The following AFDN variants were observed in gnomAD, a reference collection of about 807,000 sequenced individuals.
AFDN encodes afadin.
In AFDN, 68 loss-of-function variants were observed where a neutral mutation model predicts 216.6. That is an observed-to-expected ratio of 0.31 (90% CI 0.26 to 0.38). The LOEUF (loss-of-function observed/expected upper bound fraction) is 0.38. Ranked by LOEUF, AFDN falls within the 10% of genes least tolerant of loss-of-function variation. The pLI is 1.00. For missense variants in AFDN, 2,136 were observed against 2,342.0 expected (o/e 0.91, Z 1.82); for synonymous variants, 868 against 853.7 (o/e 1.02, Z -0.29).
At chr6:167,893,774 T>C in intron 8 of AFDN, 88 bp from the exon 9 acceptor site, 4 of 1,000,772 alleles carry the variant, frequency 4.0e-6, no homozygotes, top group South Asian at 1.4e-5. Flanking sequence ...GCGTCTCTTC[T>C]CCTCCTTCCC....
chr6:167,935,789 TC>T (rs1233889952), intron 23 of AFDN, among the ~76,000 whole-genome samples: 1 of 152,170 alleles, frequency 6.6e-6, no homozygotes, highest in Non-Finnish European at 1.5e-5. Flanking sequence ...CTTTTTTTTT[TC>T]TTTTGGTTGG....
At chr6:167,835,428 C>G (rs1273124279) in intron 1 of AFDN, among the ~76,000 whole-genome samples, 2 of 152,162 alleles carry the variant, frequency 1.3e-5, no homozygotes, top group African/African-American at 2.4e-5. Context: ...ACAACTTAAA[C>G]AATTGCTCAT....
In AFDN at chr6:167,948,343, G is replaced by T. The variant is rs375402962; in HGVS notation, c.3696G>T (p.Thr1232=). 6 of 1,613,932 alleles carry T rather than the reference G, an allele frequency of 3.7e-6. No homozygotes were observed. Among genetic ancestry groups the T allele is most frequent in the South Asian group, 1.1e-5 (1 of 91,062 alleles). Reference sequence around the variant, plus strand: ...AAGCCTACCCCATCCCCACTCAGACGTACACCAGAGAGTATTTTACCTTCC... The same window carrying T: ...AAGCCTACCCCATCCCCACTCAGACTTACACCAGAGAGTATTTTACCTTCC... ...RPEAYPIPTQ[T]YTREYFTFPA... is the part of the protein sequence containing the mutation. The change falls in exon 29 of 34, where the codon ACG becomes ACT. Residue 1232 remains threonine (T), a synonymous_variant. Coordinates refer to ENST00000683244, the MANE Select transcript of AFDN (RefSeq NM_001386888.1).
chr6:167,901,210 G>A (rs1033929323), intron 11 of AFDN, among the ~76,000 whole-genome samples: 1 of 152,036 alleles, frequency 6.6e-6, no homozygotes, highest in Admixed American at 6.5e-5. Flanking sequence ...GTATTATAAC[G>A]GGACATTTCA....
intron 23 of AFDN, among the ~76,000 whole-genome samples, chr6:167,935,905 C>G (rs1793938204): frequency 6.6e-6 from 1 of 151,946 alleles, no homozygotes; most frequent in Non-Finnish European, 1.5e-5. Flanking sequence ...CCTATCATTA[C>G]TCATAACAAA....
At chr6:167,960,367 T>C (rs1369427772) in intron 30 of AFDN, among the ~76,000 whole-genome samples, 1 of 150,042 alleles carries the variant, frequency 6.7e-6, no homozygotes, top group African/African-American at 2.5e-5. Context: ...AAGAAGAAAA[T>C]GCCTGTTTTT....
chr6:167,929,856 T>C (rs191826273), intron 23 of AFDN, among the ~76,000 whole-genome samples: 22 of 152,306 alleles, frequency 1.4e-4, no homozygotes, highest in Admixed American at 1.2e-3. Context: ...GTGAATAATG[T>C]GTATAAATTG....
rs1237092335 is a variant in AFDN, at chr6:167,962,572, T to C, written c.4968+5T>C. ...AAACGAGACGCTGAAGAAAAGGTTATGGTCCTTTAAGGGCAGCTAGAATTT... is the reference window on the plus strand; with the variant it reads ...AAACGAGACGCTGAAGAAAAGGTTACGGTCCTTTAAGGGCAGCTAGAATTT... On this transcript the variant is annotated splice_donor_5th_base_variant and intron_variant, in intron 31 of 33. Transcript: ENST00000683244. The surrounding 1 kb of genome is among the most constrained non-coding windows in gnomAD (Gnocchi z 5.2). 1.9e-6 allele frequency: 3 copies of C among 1,613,890 alleles called. No individual in the cohort carries two copies. The highest frequency in any genetic ancestry group is 2.5e-6 in the Non-Finnish European group (3 of 1,179,856).
chr6:167,911,717 TGTA>T (rs763630833), intron 15 of AFDN: 3 of 527,766 alleles, frequency 5.7e-6, no homozygotes, highest in Admixed American at 6.3e-5. Flanking sequence ...GAAGTTAACT[TGTA>T]GTAATAGTTG....
At chr6:167,930,287 G>GT (rs1247704756) in intron 23 of AFDN, among the ~76,000 whole-genome samples, 2 of 152,076 alleles carry the variant, frequency 1.3e-5, no homozygotes, top group Admixed American at 6.6e-5. Context: ...GCTCATGAAA[G>GT]TTTTTTTTAC....
Position 167,893,876 on chromosome 6 carries a change from T to A in AFDN, c.1192T>A (p.Phe398Ile), listed in dbSNP as rs1455069942. The change falls in exon 9 of 34, where the codon TTT becomes ATT. Residue 398 changes from phenylalanine to isoleucine, a missense_variant. By Grantham distance (21) the Phe-to-Ile change is conservative. This residue lies in a region of AFDN where 817 missense variants were observed against 965.7 expected (regional missense o/e 0.85). Coordinates refer to ENST00000683244, the MANE Select transcript of AFDN (RefSeq NM_001386888.1). ...VELSPGRRNH[F>I]AYYNYHTYED... ...CTTAACCCCAGGGAGAAGGAATCACTTTGCCTACTACAACTATCACACTTA... is the reference window on the plus strand; with the variant it reads ...CTTAACCCCAGGGAGAAGGAATCACATTGCCTACTACAACTATCACACTTA... 1.9e-6 allele frequency: 3 copies of A among 1,588,956 alleles called. No individual in the cohort carries two copies. The highest frequency in any genetic ancestry group is 2.7e-5 in the African/African-American group (2 of 74,666).
Position 167,962,656 on chromosome 6 carries a change from G to C in AFDN, c.4968+89G>C. ...GGGCAGAGCGGGCTGGAAGTTCTGT[G>C]TTTCTTAAGAAGCACGAGGCAGAGC... is the stretch of plus-strand genomic sequence containing the variant. On this transcript the variant is annotated intron_variant, in intron 31 of 33. Transcript: ENST00000683244. The surrounding 1 kb of genome is among the most constrained non-coding windows in gnomAD (Gnocchi z 5.2). The C allele has an allele frequency of 6.3e-7, 1 of 1,595,298 alleles. No homozygotes were observed. Among genetic ancestry groups the C allele is most frequent in the Non-Finnish European group, 8.6e-7 (1 of 1,167,552 alleles).
chr6:167,855,572 C>T (rs1782801722), intron 1 of AFDN, among the ~76,000 whole-genome samples: 1 of 152,012 alleles, frequency 6.6e-6, no homozygotes, highest in Non-Finnish European at 1.5e-5. Flanking sequence ...GAGGATTCCC[C>T]CCTTAGCTAG....
intron 29 of AFDN, among the ~76,000 whole-genome samples, chr6:167,950,849 T>G (rs1319661607): frequency 2.0e-5 from 3 of 151,402 alleles, no homozygotes; most frequent in Admixed American, 6.6e-5. Context: ...AGCTTTGCTT[T>G]TTTGCTTTTT....
chr6:167,895,793 AT>A (rs1012719634), intron 9 of AFDN, among the ~76,000 whole-genome samples: 1 of 152,104 alleles, frequency 6.6e-6, no homozygotes, highest in African/African-American at 2.4e-5. Context: ...GTGACTAGAG[AT>A]TTTAACAGGT....
intron 6 of AFDN, among the ~76,000 whole-genome samples, chr6:167,887,707 C>G (rs1391348085): frequency 2.0e-5 from 3 of 152,184 alleles, no homozygotes; most frequent in Non-Finnish European, 4.4e-5. Flanking sequence ...GTCCACCTGC[C>G]TTGGCCTCCC....
At chr6:167,838,282 C>T (rs956968010) in intron 1 of AFDN, among the ~76,000 whole-genome samples, 4 of 151,376 alleles carry the variant, frequency 2.6e-5, no homozygotes, top group African/African-American at 7.3e-5. Flanking sequence ...TTGGCTGTGA[C>T]GCTGCGCTTG....
At chr6:167,849,938 C>G (rs537069494) in intron 1 of AFDN, among the ~76,000 whole-genome samples, 1 of 152,294 alleles carries the variant, frequency 6.6e-6, no homozygotes, top group Admixed American at 6.5e-5. Context: ...GACCTCCTTT[C>G]AGAAGTCCGT....
At chr6:167,843,918 T>C (rs1021509311) in intron 1 of AFDN, among the ~76,000 whole-genome samples, 1 of 152,204 alleles carries the variant, frequency 6.6e-6, no homozygotes, top group African/African-American at 2.4e-5. Context: ...TGAAGACTAA[T>C]GTAAGCTTTT....
Sources: allele counts gnomAD v4.1 joint callset (sites outside exome capture counted in the v4.1 genomes callset), GRCh38; gene constraint gnomAD v4.1.1; regional missense constraint gnomAD v4.1.1; non-coding constraint Gnocchi (gnomAD v3.1); transcripts MANE v1.5; gene names NCBI Gene and HGNC (gene_info 2026-07-23, HGNC 2026-07-21).